Variants in ST8SIA6 observed in about 807,000 individuals in gnomAD.
ST8SIA6 encodes alpha-2,8-sialyltransferase 8F.
Under a neutral mutation model 33.6 loss-of-function variants are expected in ST8SIA6, and 39 were observed. That is an observed-to-expected ratio of 1.16 (90% confidence interval 0.90 to 1.52). The LOEUF (loss-of-function observed/expected upper bound fraction) is 1.52. ST8SIA6 is among the 40% of genes most tolerant of loss of function. The pLI, the probability that ST8SIA6 is intolerant of heterozygous loss-of-function variation, is 0.00. For missense variants in ST8SIA6, 441 were observed against 443.8 expected (o/e 0.99, Z 0.06); for synonymous variants, 172 against 167.2 (o/e 1.03, Z -0.22).
At chr10:17,389,037 C>T (rs909911513) in intron 3 of ST8SIA6, among the ~76,000 whole-genome samples, 10 of 152,102 alleles carry the variant, frequency 6.6e-5, no homozygotes, top group Non-Finnish European at 2.9e-5. Flanking sequence ...AGCTGACACC[C>T]CCCAGACTCA....
rs1331442366 is a variant in ST8SIA6 at position 17,317,860 on chromosome 10, G to A, written c.*3018C>T. On this transcript the variant is annotated 3_prime_UTR_variant, in exon 8 of 8. Transcript: ENST00000377602. ...ACTGGGTTAGGACTTACATGAAGAA[G>A]GAAATATCCTTTAGTGAAAGCCATG... Among the ~76,000 whole-genome samples the A allele has an allele frequency of 6.6e-6, 1 of 152,190 alleles. No individual in the cohort carries two copies. Among genetic ancestry groups the A allele is most frequent in the Admixed American group, 6.5e-5 (1 of 15,276 alleles).
chr10:17,360,637 T>G (rs1304814584), intron 3 of ST8SIA6, among the ~76,000 whole-genome samples: 1 of 151,834 alleles, frequency 6.6e-6, no homozygotes, highest in Non-Finnish European at 1.5e-5. Context: ...ATTTGACAAC[T>G]GACACCAATA....
At chr10:17,433,032 G>A (rs957413649) in intron 2 of ST8SIA6, among the ~76,000 whole-genome samples, 6 of 152,082 alleles carry the variant, frequency 3.9e-5, no homozygotes, top group South Asian at 2.1e-4. Context: ...TGAATCTGCC[G>A]TGATTCTGGG....
rs115277732 is a variant in ST8SIA6, at chr10:17,359,642, A to T, written c.291-42T>A. On this transcript the variant is annotated intron_variant, in intron 3 of 7. Coordinates refer to ENST00000377602, the MANE Select transcript of ST8SIA6 (RefSeq NM_001004470.3). ...AATATAATTAGAAAATAATGATCTC[A>T]TATGTAAGTCTTCTTAGAAGATACT... is the stretch of plus-strand genomic sequence containing the variant. The T allele has an allele frequency of 1.6e-3, 2,014 of 1,293,352 alleles. 26 individuals are homozygous for T. In the African/African-American group the frequency reaches 0.027, roughly 18 times the overall value. 80.1% of individuals were successfully genotyped at this position (1,293,352 alleles called of 1,614,324 possible).
chr10:17,378,181 C>G (rs554072005), intron 3 of ST8SIA6, among the ~76,000 whole-genome samples: 1 of 152,288 alleles, frequency 6.6e-6, no homozygotes, highest in East Asian at 1.9e-4. Context: ...TATGGGCACC[C>G]GGCATTCTCA....
At chr10:17,335,564 C>T (rs1020364579) in intron 4 of ST8SIA6, among the ~76,000 whole-genome samples, 2 of 152,062 alleles carry the variant, frequency 1.3e-5, no homozygotes, top group Non-Finnish European at 2.9e-5. Flanking sequence ...ATAGTATATC[C>T]TTCTTAATTG....
At chr10:17,425,629 GAA>G (rs879822523) in intron 2 of ST8SIA6, among the ~76,000 whole-genome samples, 2,327 of 123,634 alleles carry the variant, frequency 0.019, 72 homozygotes, top group African/African-American at 0.07. Context: ...AAGAAAGAAA[GAA>G]AGAGAGGAAG....
At chr10:17,444,559 G>C (rs1226326512) in intron 2 of ST8SIA6, among the ~76,000 whole-genome samples, 1 of 152,134 alleles carries the variant, frequency 6.6e-6, no homozygotes, top group African/African-American at 2.4e-5. Flanking sequence ...AGCTCTCCCT[G>C]GCTCTCCTGT....
Position 17,379,143 on chromosome 10 carries a change from CA to C in ST8SIA6, c.290+11387del, listed in dbSNP as rs911759116. 1.9e-3 allele frequency among the ~76,000 whole-genome samples: 121 copies of C among 65,322 alleles called. 1 individual carries two copies. The highest frequency in any genetic ancestry group is 1.3e-3 in the Admixed American group (11 of 8,396). The allele number at this position is 65,322 out of a possible 152,430, so 42.9% of individuals were successfully genotyped here. A position where few individuals can be genotyped will look rare whatever the true frequency, so the allele number is the denominator to read the frequency against. On this transcript the variant is annotated intron_variant, in intron 3 of 7. Transcript: ENST00000377602. ...CTCTGTCTCAAAAAAAAAACAAAAACAAAAAAAACCGAAGGGACTTTTCCCA... is the reference window on the plus strand; with the variant it reads ...CTCTGTCTCAAAAAAAAAACAAAAACAAAAAAACCGAAGGGACTTTTCCCA...
At chr10:17,414,651 C>T (rs1342997208) in intron 2 of ST8SIA6, among the ~76,000 whole-genome samples, 1 of 152,198 alleles carries the variant, frequency 6.6e-6, no homozygotes, top group Non-Finnish European at 1.5e-5. Context: ...TGCCTGCTGG[C>T]TGGGTCCTCA....
In ST8SIA6 at chr10:17,320,510, T is replaced by G; in HGVS notation, c.*368A>C. ...GATACTGGTAATGCAGCTATTCTCT[T>G]TAGAAGAGATCTCCAAGAAAGCATG... On this transcript the variant is annotated 3_prime_UTR_variant, in exon 8 of 8. Coordinates refer to ENST00000377602, the MANE Select transcript of ST8SIA6 (RefSeq NM_001004470.3). 1 of 228,292 alleles carries G rather than the reference T, an allele frequency of 4.4e-6. No homozygotes were observed. Among genetic ancestry groups the G allele is most frequent in the South Asian group, 7.3e-5 (1 of 13,634 alleles). The allele number at this position is 228,292 out of a possible 1,614,324, so 14.1% of individuals were successfully genotyped here. A position where few individuals can be genotyped will look rare whatever the true frequency, so the allele number is the denominator to read the frequency against.
intron 2 of ST8SIA6, among the ~76,000 whole-genome samples, chr10:17,441,248 T>C (rs1471365844): frequency 6.6e-6 from 1 of 152,126 alleles, no homozygotes; most frequent in Non-Finnish European, 1.5e-5. Flanking sequence ...CTTTTGTCTG[T>C]GATCCATGTG....
intron 4 of ST8SIA6, among the ~76,000 whole-genome samples, chr10:17,337,995 A>G (rs1848558482): frequency 6.8e-6 from 1 of 147,332 alleles, no homozygotes; most frequent in South Asian, 2.2e-4. Flanking sequence ...CCCCCACCCG[A>G]TTTCCACAGC....
At chr10:17,357,171 G>A (rs941441339) in intron 4 of ST8SIA6, among the ~76,000 whole-genome samples, 13 of 150,166 alleles carry the variant, frequency 8.7e-5, no homozygotes, top group South Asian at 4.3e-4. Flanking sequence ...TCTCTGTCAT[G>A]TCACCCAGGC....
In ST8SIA6 at chr10:17,317,173, T is replaced by A. The variant is rs1847800255; in HGVS notation, c.*3705A>T. Among the ~76,000 whole-genome samples, 1 of 152,218 alleles carries A rather than the reference T, an allele frequency of 6.6e-6. No individual in the cohort carries two copies. On this transcript the variant is annotated 3_prime_UTR_variant, in exon 8 of 8. Transcript: ENST00000377602. ...TATTTTTCTCCATAGAGTGAGCCAA[T>A]GTTTCAATATTATCTGCTAAAGAGT... is the stretch of plus-strand genomic sequence containing the variant.
At chr10:17,440,825 T>C (rs1852461033) in intron 2 of ST8SIA6, among the ~76,000 whole-genome samples, 2 of 152,164 alleles carry the variant, frequency 1.3e-5, no homozygotes, top group South Asian at 2.1e-4. Context: ...TTGTATCTTA[T>C]TGGGGTTTTG....
rs772250016 is a variant in ST8SIA6 at position 17,379,141 on chromosome 10, A to G, written c.290+11390T>C. Among the ~76,000 whole-genome samples, 7 of 127,064 alleles carry G rather than the reference A, an allele frequency of 5.5e-5. No individual in the cohort carries two copies. The East Asian group carries it at 1.5e-3, about 27-fold the overall frequency. 83.4% of individuals were successfully genotyped at this position (127,064 alleles called of 152,430 possible). On this transcript the variant is annotated intron_variant, in intron 3 of 7. Transcript: ENST00000377602. ...GACTCTGTCTCAAAAAAAAAACAAA[A>G]ACAAAAAAAACCGAAGGGACTTTTC...
intron 3 of ST8SIA6, among the ~76,000 whole-genome samples, chr10:17,380,375 A>C (rs1850086847): frequency 2.0e-5 from 3 of 152,176 alleles, no homozygotes; most frequent in Non-Finnish European, 4.4e-5. Flanking sequence ...CACTTACAGC[A>C]CTCAGAAATC....
chr10:17,406,343 C>T (rs569390846), intron 2 of ST8SIA6, among the ~76,000 whole-genome samples: 1 of 152,296 alleles, frequency 6.6e-6, no homozygotes, highest in Admixed American at 6.5e-5. Flanking sequence ...CCTTCATTTC[C>T]CATAAATTTG....
Sources: allele counts gnomAD v4.1 joint callset (sites outside exome capture counted in the v4.1 genomes callset), GRCh38; gene constraint gnomAD v4.1.1; transcripts MANE v1.5; gene names NCBI Gene and HGNC (gene_info 2026-07-23, HGNC 2026-07-21).